Variants in POLRMT observed in about 807,000 individuals in gnomAD.
The protein encoded by POLRMT is RNA polymerase mitochondrial, also known as DNA-directed RNA polymerase, mitochondrial.
POLRMT carries 114 observed loss-of-function variants against 132.2 expected under a neutral mutation model. The ratio of observed to expected loss-of-function variants is 0.86; its 90% CI spans 0.74 to 1.01. The LOEUF is 1.01. POLRMT is among the 50% of genes least tolerant of loss of function. POLRMT has a pLI of 0.00. For missense variants in POLRMT, 2,003 were observed against 1,729.1 expected (o/e 1.16, Z -2.81); for synonymous variants, 1,020 against 773.4 (o/e 1.32, Z -5.29).
intron 3 of POLRMT, among the ~76,000 whole-genome samples, chr19:629,133 C>T (rs1255948005): frequency 1.3e-5 from 2 of 151,976 alleles, no homozygotes; most frequent in African/African-American, 4.8e-5. Context: ...CAGTGAACAC[C>T]CACATTTCAC....
rs765557938 is a variant in POLRMT, at chr19:617,774, C to A, written c.3495+3G>T. On this transcript the variant is annotated splice_donor_region_variant and intron_variant, in intron 18 of 20. Coordinates refer to ENST00000588649, the MANE Select transcript of POLRMT (RefSeq NM_005035.4). ...TGGACTGAGGCTCAGACTACGGGGGCACCTGGTTCATGACGGAGACATCAG... is the reference window on the plus strand; with the variant it reads ...TGGACTGAGGCTCAGACTACGGGGGAACCTGGTTCATGACGGAGACATCAG... 1.2e-6 allele frequency: 2 copies of A among 1,613,096 alleles called. No individual in the cohort carries two copies. The highest frequency in any genetic ancestry group is 2.7e-5 in the African/African-American group (2 of 74,886).
Position 623,460 on chromosome 19 carries a change from C to A in POLRMT, c.1284G>T (p.Lys428Asn), listed in dbSNP as rs777775158. Residue 428 changes from lysine (K) to asparagine (N), a missense_variant, in exon 6 of 21, where the codon AAG becomes AAT. Physicochemically the swap from Lys to Asn is moderately conservative, Grantham distance 94 (BLOSUM62 0). Coordinates refer to ENST00000588649, the MANE Select transcript of POLRMT (RefSeq NM_005035.4). ...ACCCCGGCTCAGCCCCTACCGCGTG[C>A]TTGACCTCCTTGCTTGGCAACGTGG... ...EKPTLPSKEV[K>N]HARKTLKTLR... 2.5e-6 allele frequency: 4 copies of A among 1,611,804 alleles called. No homozygotes were observed. Among genetic ancestry groups the A allele is most frequent in the Non-Finnish European group, 3.4e-6 (4 of 1,179,920 alleles).
intron 2 of POLRMT, among the ~76,000 whole-genome samples, chr19:631,916 A>G (rs185619399): frequency 2.0e-4 from 30 of 152,294 alleles, no homozygotes; most frequent in African/African-American, 7.2e-4. Context: ...CTGGCACTGC[A>G]GGCGTTCACC....
At chr19:626,898 C>CACACATATATATAT (rs371959370) in intron 3 of POLRMT, among the ~76,000 whole-genome samples, 16 of 146,702 alleles carry the variant, frequency 1.1e-4, no homozygotes, top group African/African-American at 4.1e-4. Context: ...CACACACACA[C>CACACATATATATAT]ATATATATAT....
At position 622,883 on chromosome 19, in the gene POLRMT, A is replaced by C; in HGVS notation, c.1393T>G (p.Phe465Val). Residue 465 changes from phenylalanine to valine, a missense_variant, in exon 7 of 21, where the codon TTC (phenylalanine) becomes GTC (valine). By Grantham distance (50) the Phe-to-Val change is conservative. Transcript: ENST00000588649. ...AGGCACAGGAAGGGGTAAAGTGAGA[A>C]CCGGCCCTCGTACACCTCGCGCTCT... ...RLEREVYEGR[F>V]SLYPFLCLLD... 1 of 1,610,774 alleles carries C rather than the reference A, an allele frequency of 6.2e-7. No homozygotes were observed. The highest frequency in any genetic ancestry group is 8.5e-7 in the Non-Finnish European group (1 of 1,179,102).
chr19:626,190 G>A (rs1211441971), intron 3 of POLRMT, among the ~76,000 whole-genome samples: 4 of 151,628 alleles, frequency 2.6e-5, no homozygotes, highest in African/African-American at 4.8e-5. Flanking sequence ...TCGCTCTGTC[G>A]CCCAGGCTGG....
chr19:617,790 G>C lies in POLRMT; in HGVS notation c.3482C>G (p.Ser1161Cys), dbSNP rs1446408376. 6.2e-7 allele frequency: 1 copy of C among 1,613,252 alleles called. No individual in the cohort carries two copies. The highest frequency in any genetic ancestry group is 1.7e-5 in the Admixed American group (1 of 59,996). The stretch of plus-strand genomic sequence containing the variant: ...CTACGGGGGCACCTGGTTCATGACG[G>C]AGACATCAGCTGCGTGAGTCCAGTA... ...DCYWTHAADV[S>C]VMNQVCREQF... Residue 1161 changes from serine to cysteine, a missense_variant, in exon 18 of 21, where the codon TCC (serine) becomes TGC (cysteine). Transcript: ENST00000588649.
Position 633,483 on chromosome 19 carries a change from C to T in POLRMT, c.30G>A (p.Ala10=). The T allele has an allele frequency of 6.4e-7, 1 of 1,559,392 alleles. No individual in the cohort carries two copies. Among genetic ancestry groups the T allele is most frequent in the Non-Finnish European group, 8.7e-7 (1 of 1,154,982 alleles). Residue 10 remains alanine (A), a synonymous_variant, in exon 1 of 21, where the codon GCG becomes GCA. Transcript: ENST00000588649. MSALCWGRG[A]AGLKRALRPC... is the part of the protein sequence containing the mutation. Reference sequence around the variant, plus strand: ...GCCGTAGGGCTCGTTTGAGCCCCGCCGCTCCGCGGCCCCAGCAAAGTGCCG... The same window carrying T: ...GCCGTAGGGCTCGTTTGAGCCCCGCTGCTCCGCGGCCCCAGCAAAGTGCCG...
In POLRMT at chr19:621,472, G is replaced by C. The variant is rs565088113; in HGVS notation, c.2226C>G (p.Pro742=). ...PAPPSEAPQP[P]EAHLPHSAAP... ...CGGCGCTGTGCGGCAGGTGGGCCTC[G>C]GGCGGCTGGGGCGCCTCGGAGGGCG... The change falls in exon 10 of 21, where the codon CCC becomes CCG. Residue 742 remains proline, a synonymous_variant. Coordinates refer to ENST00000588649, the MANE Select transcript of POLRMT (RefSeq NM_005035.4). 1,229 of 1,368,434 alleles carry C rather than the reference G, an allele frequency of 9.0e-4. 3 individuals carry two copies. The highest frequency in any genetic ancestry group is 3.7e-3 in the South Asian group (221 of 59,658). 84.8% of individuals were successfully genotyped at this position (1,368,434 alleles called of 1,614,324 possible).
chr19:625,314 G>T, intron 3 of POLRMT, 60 bp from the exon 4 acceptor site: 1 of 1,599,374 alleles, frequency 6.3e-7, no homozygotes, highest in Non-Finnish European at 8.5e-7. Context: ...CATCCTCCCT[G>T]CTCCCTGGAG....
chr19:627,470 A>G (rs1015831235), intron 3 of POLRMT, among the ~76,000 whole-genome samples: 2 of 151,614 alleles, frequency 1.3e-5, no homozygotes, highest in African/African-American at 4.8e-5. Flanking sequence ...GGCAGTTTCT[A>G]AACAACCTCT....
At chr19:618,664 C>T (rs1984220693) in intron 16 of POLRMT, 41 bp downstream of exon 16, 1 of 1,604,130 alleles carries the variant, frequency 6.2e-7, no homozygotes, top group Non-Finnish European at 8.5e-7. Flanking sequence ...TGGCTGCTCT[C>T]CAGACCCCCG....
chr19:624,256 G>C lies in POLRMT; in HGVS notation c.1140+463C>G, dbSNP rs950960648. 5.3e-5 allele frequency among the ~76,000 whole-genome samples: 8 copies of C among 152,216 alleles called. No homozygotes were observed. In the East Asian group the frequency reaches 1.5e-3, roughly 29 times the overall value. ...TGGTCCCATTTCTATGGAATGTCCA[G>C]AGCAGACTCATCCACAGATGGGGAG... is the stretch of plus-strand genomic sequence containing the variant. On this transcript the variant is annotated intron_variant, in intron 5 of 20. Coordinates refer to ENST00000588649, the MANE Select transcript of POLRMT (RefSeq NM_005035.4).
chr19:630,300 T>C (rs995877250), intron 2 of POLRMT, 132 bp from the exon 3 acceptor site: 5 of 1,085,268 alleles, frequency 4.6e-6, no homozygotes, highest in Non-Finnish European at 6.5e-6. Context: ...GAATTCCTCA[T>C]ACTTGCCAAC....
intron 2 of POLRMT, among the ~76,000 whole-genome samples, chr19:631,343 G>A (rs928432746): frequency 6.7e-6 from 1 of 150,156 alleles, no homozygotes; most frequent in Non-Finnish European, 1.5e-5. Context: ...AAAAAAGGGG[G>A]GGGGGGACCC....
At chr19:633,031 C>T (rs1446300864) in intron 1 of POLRMT, 93 bp from the exon 2 acceptor site, 3 of 874,866 alleles carry the variant, frequency 3.4e-6, no homozygotes, top group South Asian at 2.0e-5. Context: ...GGCAAAGGAG[C>T]CCTAAACGCA....
At chr19:618,364 A>C (rs534720885) in intron 17 of POLRMT, 124 bp downstream of exon 17, 20 of 742,828 alleles carry the variant, frequency 2.7e-5, no homozygotes, top group East Asian at 2.2e-4. Flanking sequence ...GGCCCCACAG[A>C]CACAGCAGAT....
intron 2 of POLRMT, 55 bp downstream of exon 2, chr19:632,779 C>T (rs917626946): frequency 2.3e-5 from 33 of 1,429,402 alleles, no homozygotes; most frequent in Middle Eastern, 2.5e-4. Flanking sequence ...GCCTTTTCTC[C>T]CGGCAGCAGG....
At chr19:625,340 C>A in intron 3 of POLRMT, 86 bp from the exon 4 acceptor site, 2 of 1,558,416 alleles carry the variant, frequency 1.3e-6, no homozygotes, top group Non-Finnish European at 8.7e-7. Context: ...TTCTCTGTAG[C>A]CACCAGCTCA....
Sources: gnomAD v4.1 joint callset for allele counts (sites outside exome capture counted in the v4.1 genomes callset) on GRCh38, gnomAD v4.1.1 for gene constraint, MANE v1.5 for transcripts, NCBI Gene and HGNC (gene_info 2026-07-23, HGNC 2026-07-21) for gene names.